Variants in BROX observed in about 807,000 individuals in gnomAD.
BROX encodes the protein BRO1 domain-containing protein BROX.
BROX carries 53 observed loss-of-function variants against 61.0 expected under a neutral mutation model. The observed-to-expected ratio is 0.87, with a 90% CI of 0.70 to 1.09. The LOEUF (loss-of-function observed/expected upper bound fraction) is 1.09, where lower values mean the gene tolerates loss of function less well. Among genes scored for constraint, BROX ranks in the 50% least tolerant of loss-of-function variants. The pLI, the probability that BROX is intolerant of heterozygous loss-of-function variation, is 0.00. For missense variants in BROX, 489 were observed against 472.0 expected, an observed-to-expected ratio of 1.04 and a Z score of -0.33; for synonymous variants, 152 against 160.2, an observed-to-expected ratio of 0.95 and a Z score of 0.38.
In BROX at chr1:222,712,692, G is replaced by C; in HGVS notation, c.-267G>C. On this transcript the variant is annotated 5_prime_UTR_variant, in exon 1 of 13. Transcript: ENST00000340934. ...GAAGGCCGAGGGAGAAGTTAGAAAG[G>C]GATGATGAACGAAGCGTTTTGAGGG... The C allele has an allele frequency of 7.7e-7, 1 of 1,294,510 alleles. No homozygotes were observed. Among genetic ancestry groups the C allele is most frequent in the Non-Finnish European group, 1.0e-6 (1 of 991,984 alleles). 80.2% of individuals were successfully genotyped at this position (1,294,510 alleles called of 1,614,324 possible).
At chr1:222,727,806 G>A (rs1420321429) in intron 8 of BROX, among the ~76,000 whole-genome samples, 1 of 152,156 alleles carries the variant, frequency 6.6e-6, no homozygotes, top group Non-Finnish European at 1.5e-5. Flanking sequence ...GGCGAATTAG[G>A]AACCTTAACA....
At chr1:222,716,141 C>A (rs948254283) in intron 2 of BROX, among the ~76,000 whole-genome samples, 1 of 152,016 alleles carries the variant, frequency 6.6e-6, no homozygotes, top group African/African-American at 2.4e-5. Flanking sequence ...TCTTGTCGCC[C>A]AGGCTGGAGT....
chr1:222,725,114 A>G (rs149476181), intron 6 of BROX, among the ~76,000 whole-genome samples: 7 of 152,214 alleles, frequency 4.6e-5, no homozygotes, highest in African/African-American at 1.7e-4. Context: ...TTAATTATTA[A>G]TGTGAATGAA....
chr1:222,714,488 G>A (rs561694857), intron 1 of BROX, among the ~76,000 whole-genome samples: 3 of 149,108 alleles, frequency 2.0e-5, no homozygotes, highest in East Asian at 2.0e-4. Context: ...GTGAGCCACC[G>A]CGCGTTTTTT....
chr1:222,730,472 C>T (rs1657853840), intron 11 of BROX, among the ~76,000 whole-genome samples: 1 of 152,026 alleles, frequency 6.6e-6, no homozygotes. Flanking sequence ...GTGGCACACG[C>T]CTGTAAATCC....
chr1:222,714,995 T>A (rs544342264), intron 1 of BROX: 1 of 152,356 alleles, frequency 6.6e-6, no homozygotes, highest in South Asian at 2.1e-4. Flanking sequence ...ACACATGCTA[T>A]AACCAATCCA....
At chr1:222,732,453 G>A (rs1295104839) in intron 12 of BROX, among the ~76,000 whole-genome samples, 175 bp from the exon 13 acceptor site, 2 of 152,042 alleles carry the variant, frequency 1.3e-5, no homozygotes, top group African/African-American at 2.4e-5. Context: ...CTGAAATGTT[G>A]TTTTCTGATT....
intron 2 of BROX, among the ~76,000 whole-genome samples, chr1:222,716,738 A>G (rs921132515): frequency 1.3e-5 from 2 of 152,188 alleles, no homozygotes; most frequent in Non-Finnish European, 2.9e-5. Context: ...GATGTTTACT[A>G]TTTGGCACTT....
At chr1:222,724,439 G>A (rs1266863311) in intron 6 of BROX, among the ~76,000 whole-genome samples, 1 of 152,128 alleles carries the variant, frequency 6.6e-6, no homozygotes, top group African/African-American at 2.4e-5. Context: ...TGAAAAGACA[G>A]GAGAAAAGAA....
chr1:222,728,677 A>C, intron 8 of BROX, 66 bp from the exon 9 acceptor site: 1 of 1,022,028 alleles, frequency 9.8e-7, no homozygotes, highest in East Asian at 2.4e-5. Flanking sequence ...ATCAGAACAC[A>C]TGAACTAAAA....
At chr1:222,714,400 G>A (rs1411658878) in intron 1 of BROX, among the ~76,000 whole-genome samples, 1 of 150,824 alleles carries the variant, frequency 6.6e-6, no homozygotes, top group African/African-American at 2.4e-5. Context: ...TAGAGTCACC[G>A]TGTTAGCCAG....
At chr1:222,728,689 T>G in intron 8 of BROX, 54 bp from the exon 9 acceptor site, 1 of 1,164,844 alleles carries the variant, frequency 8.6e-7, no homozygotes. Context: ...GAACTAAAAG[T>G]CTTCTAGTGA....
chr1:222,718,993 T>C lies in BROX; in HGVS notation c.170T>C (p.Met57Thr). ...GATTTGAGCTGTAATCCAGAAATGA[T>C]GAAGAATGCAGCAGATTCATATTTC... is the stretch of plus-strand genomic sequence containing the variant. The part of the protein sequence containing the change: ...FTDLSCNPEM[M>T]KNAADSYFSL... The change falls in exon 3 of 13, where the codon ATG becomes ACG. Residue 57 changes from methionine (M) to threonine (T), a missense_variant. Physicochemically the swap from Met to Thr is moderately conservative, Grantham distance 81. Transcript: ENST00000340934. 1 of 1,613,854 alleles carries C rather than the reference T, an allele frequency of 6.2e-7. No individual in the cohort carries two copies. Among genetic ancestry groups the C allele is most frequent in the Non-Finnish European group, 8.5e-7 (1 of 1,179,864 alleles).
At chr1:222,731,309 CAAAT>C (rs755053406) in intron 11 of BROX, 44 bp from the exon 12 acceptor site, 13 of 1,486,850 alleles carry the variant, frequency 8.7e-6, no homozygotes, top group Non-Finnish European at 1.2e-5. Context: ...ATTAGGCACT[CAAAT>C]AACGAACAAA....
intron 9 of BROX, among the ~76,000 whole-genome samples, chr1:222,729,147 G>A (rs1657743654): frequency 6.6e-6 from 1 of 152,050 alleles, no homozygotes; most frequent in Non-Finnish European, 1.5e-5. Flanking sequence ...CTAATATTAA[G>A]GCATATCACA....
At chr1:222,713,435 T>G (rs1210450041) in intron 1 of BROX, 1 of 984,956 alleles carries the variant, frequency 1.0e-6, no homozygotes. Flanking sequence ...CTCTGGGGAC[T>G]CGGGGCTTCC....
intron 6 of BROX, among the ~76,000 whole-genome samples, chr1:222,725,227 T>C (rs1488213889): frequency 6.6e-6 from 1 of 152,242 alleles, no homozygotes; most frequent in African/African-American, 2.4e-5. Flanking sequence ...ACTTAAATTT[T>C]GCTCTTGAAT....
intron 1 of BROX, chr1:222,713,359 G>A: frequency 1.0e-6 from 1 of 985,666 alleles, no homozygotes. Flanking sequence ...GGGCACGGGA[G>A]GAAGAGGCTG....
intron 6 of BROX, among the ~76,000 whole-genome samples, chr1:222,724,522 C>T (rs1311254496): frequency 2.6e-5 from 4 of 152,150 alleles, no homozygotes; most frequent in African/African-American, 9.7e-5. Flanking sequence ...CCTGATTCTG[C>T]AAAACTGAAC....
Sources: allele counts gnomAD v4.1 joint callset (sites outside exome capture counted in the v4.1 genomes callset), GRCh38; gene constraint gnomAD v4.1.1; transcripts MANE v1.5; gene names NCBI Gene and HGNC (gene_info 2026-07-23, HGNC 2026-07-21).